The following BRAF variants were observed in gnomAD, a reference collection of about 807,000 sequenced individuals.
BRAF encodes B-Raf proto-oncogene, serine/threonine kinase.
In BRAF, 16 loss-of-function variants were observed where a neutral mutation model predicts 104.6. The ratio of observed to expected loss-of-function variants is 0.15; its 90% confidence interval spans 0.10 to 0.23. BRAF has a LOEUF of 0.23. BRAF is among the 10% of genes least tolerant of loss of function. The probability of loss-of-function intolerance (pLI) is 1.00; values close to 1 mark genes in which losing one functional copy is unlikely to be tolerated. For missense variants in BRAF, 541 were observed against 937.3 expected, an observed-to-expected ratio of 0.58 and a Z score of 5.52; for synonymous variants, 310 against 341.6, an observed-to-expected ratio of 0.91 and a Z score of 1.02.
chr7:140,894,481 GA>G (rs1814649349), intron 1 of BRAF, among the ~76,000 whole-genome samples: 3 of 152,058 alleles, frequency 2.0e-5, no homozygotes, highest in South Asian at 2.1e-4. Flanking sequence ...TGAAGAGATG[GA>G]AAAAAATTTT....
At chr7:140,864,457 C>A (rs1469638395) in intron 1 of BRAF, among the ~76,000 whole-genome samples, 1 of 152,130 alleles carries the variant, frequency 6.6e-6, no homozygotes, top group Middle Eastern at 3.2e-3. Context: ...GCTGGTTATG[C>A]AAGTTTAGAA....
At chr7:140,764,109 G>A (rs1161395659) in intron 14 of BRAF, among the ~76,000 whole-genome samples, 1 of 152,090 alleles carries the variant, frequency 6.6e-6, no homozygotes, top group African/African-American at 2.4e-5. Flanking sequence ...ATGATCAAGT[G>A]GGCTTCATCC....
chr7:140,841,936 G>A (rs1047905757), intron 2 of BRAF, among the ~76,000 whole-genome samples: 19 of 151,996 alleles, frequency 1.3e-4, no homozygotes, highest in African/African-American at 4.3e-4. Flanking sequence ...AAAAAGCAGC[G>A]AAATAAAAAT....
At chr7:140,871,033 C>G (rs1811523384) in intron 1 of BRAF, among the ~76,000 whole-genome samples, 1 of 151,726 alleles carries the variant, frequency 6.6e-6, no homozygotes, top group Admixed American at 6.6e-5. Flanking sequence ...CGAGACCATC[C>G]TGGCTAACAC....
At chr7:140,765,708 A>G in intron 14 of BRAF, among the ~76,000 whole-genome samples, 1 of 152,220 alleles carries the variant, frequency 6.6e-6, no homozygotes, top group Non-Finnish European at 1.5e-5. Flanking sequence ...AATGCTCATC[A>G]TCACTGGCCA....
intron 9 of BRAF, among the ~76,000 whole-genome samples, chr7:140,786,332 T>C (rs1431695642): frequency 6.6e-6 from 1 of 152,164 alleles, no homozygotes; most frequent in Non-Finnish European, 1.5e-5. Flanking sequence ...ATGTAAAATA[T>C]TGTTGAGTCT....
chr7:140,921,617 A>T lies in BRAF; in HGVS notation c.138+2949T>A, dbSNP rs1818232993. On this transcript the variant is annotated intron_variant, in intron 1 of 19. Transcript: ENST00000644969. ...AATACAAAACTACATAGTGTTATAA[A>T]AGCATTAAAAAAGAACAGATGGAAT... Among the ~76,000 whole-genome samples the T allele has an allele frequency of 2.6e-5, 4 of 152,154 alleles. No individual in the cohort carries two copies. The South Asian group carries it at 8.3e-4, about 32-fold the overall frequency.
At chr7:140,763,456 C>T (rs533330814) in intron 14 of BRAF, among the ~76,000 whole-genome samples, 13 of 152,106 alleles carry the variant, frequency 8.5e-5, no homozygotes, top group African/African-American at 2.4e-4. Flanking sequence ...GCTGGCTGGG[C>T]GGGGGGCTGA....
chr7:140,834,459 A>C, intron 3 of BRAF, 150 bp downstream of exon 3: 1 of 1,116,794 alleles, frequency 9.0e-7, no homozygotes, highest in South Asian at 1.5e-5. Flanking sequence ...TTTGCCACCA[A>C]ATAATTACAT....
intron 1 of BRAF, among the ~76,000 whole-genome samples, chr7:140,865,274 T>C (rs1810833907): frequency 6.6e-6 from 1 of 152,042 alleles, no homozygotes; most frequent in African/African-American, 2.4e-5. Context: ...GAAACGGGGT[T>C]TCACCATGTT....
chr7:140,880,474 G>A (rs2129102899), intron 1 of BRAF, among the ~76,000 whole-genome samples: 1 of 152,232 alleles, frequency 6.6e-6, no homozygotes, highest in South Asian at 2.1e-4. Context: ...GCATTAGAAT[G>A]AACTTCTTCC....
chr7:140,908,050 T>G (rs1311778240), intron 1 of BRAF, among the ~76,000 whole-genome samples: 1 of 152,200 alleles, frequency 6.6e-6, no homozygotes, highest in African/African-American at 2.4e-5. Flanking sequence ...TGGCCCTAAG[T>G]CACTTTATAA....
intron 17 of BRAF, among the ~76,000 whole-genome samples, chr7:140,746,239 G>A (rs914567777): frequency 1.3e-5 from 2 of 152,056 alleles, no homozygotes; most frequent in African/African-American, 4.8e-5. Context: ...TCTACTCCAA[G>A]GAACGAAAGC....
rs1818617321 is a variant in BRAF at position 140,924,363 on chromosome 7, C to T, written c.138+203G>A. ...CTGGGGTGGGGGCCAGGGAAACCCC[C>T]CGGGCCATTGTGTGTGTTTACGTAG... On this transcript the variant is annotated intron_variant, in intron 1 of 19. Coordinates refer to ENST00000644969, the MANE Select transcript of BRAF (RefSeq NM_001374258.1). The surrounding 1 kb of genome is among the most constrained non-coding windows in gnomAD (Gnocchi z 4.2). 6.6e-6 allele frequency among the ~76,000 whole-genome samples: 1 copy of T among 152,206 alleles called. No individual in the cohort carries two copies. The highest frequency in any genetic ancestry group is 1.9e-4 in the East Asian group (1 of 5,174).
rs919004399 is a variant in BRAF at position 140,723,037 on chromosome 7, T to C, written c.*3457A>G. ...ATGTTCTAGAGCTCCTGACTTTTCA[T>C]ATTTTAAAATAAATAACTATTCATT... is the stretch of plus-strand genomic sequence containing the variant. On this transcript the variant is annotated 3_prime_UTR_variant, in exon 20 of 20. Coordinates refer to ENST00000644969, the MANE Select transcript of BRAF (RefSeq NM_001374258.1). 1 of 1,051,546 alleles carries C rather than the reference T, an allele frequency of 9.5e-7. No homozygotes were observed. The highest frequency in any genetic ancestry group is 1.7e-5 in the African/African-American group (1 of 60,264). 65.1% of individuals were successfully genotyped at this position (1,051,546 alleles called of 1,614,324 possible). A position where few individuals can be genotyped will look rare whatever the true frequency, so the allele number is the denominator to read the frequency against.
chr7:140,907,082 T>A (rs1586615996), intron 1 of BRAF, among the ~76,000 whole-genome samples: 1 of 152,220 alleles, frequency 6.6e-6, no homozygotes, highest in Non-Finnish European at 1.5e-5. Flanking sequence ...CATGTCTCTT[T>A]ACCTCTCTTC....
intron 3 of BRAF, among the ~76,000 whole-genome samples, chr7:140,829,712 C>G (rs981628742): frequency 6.6e-6 from 1 of 152,188 alleles, no homozygotes; most frequent in African/African-American, 2.4e-5. Flanking sequence ...CCGCAGATTA[C>G]CAGTTTATCT....
chr7:140,833,481 C>T (rs146314642), intron 3 of BRAF, among the ~76,000 whole-genome samples: 143 of 152,156 alleles, frequency 9.4e-4, no homozygotes, highest in African/African-American at 3.4e-3. Context: ...GTTGATATTC[C>T]CCTTTTAAGT....
intron 2 of BRAF, among the ~76,000 whole-genome samples, chr7:140,846,194 C>T (rs1053448950): frequency 6.6e-6 from 1 of 152,148 alleles, no homozygotes; most frequent in African/African-American, 2.4e-5. Context: ...CTCAGATACT[C>T]GTACACCCAT....
Sources: allele counts gnomAD v4.1 joint callset (sites outside exome capture counted in the v4.1 genomes callset), GRCh38; gene constraint gnomAD v4.1.1; non-coding constraint Gnocchi (gnomAD v3.1); transcripts MANE v1.5; gene names NCBI Gene and HGNC (gene_info 2026-07-23, HGNC 2026-07-21).